The following ZNF679 variants were observed in gnomAD, a reference collection of about 807,000 sequenced individuals.
ZNF679 encodes the protein zinc finger protein 679, also known as hypothetical protein MGC42415.
ZNF679 carries 10 observed loss-of-function variants against 13.4 expected under a neutral mutation model. The observed-to-expected ratio is 0.75, with a 90% CI of 0.46 to 1.27. The LOEUF (loss-of-function observed/expected upper bound fraction) is 1.27, where lower values mean the gene tolerates loss of function less well. Ranked by LOEUF, ZNF679 falls within the 50% of genes most tolerant of loss-of-function variation. ZNF679 has a pLI of 0.00. For missense variants in ZNF679, 525 were observed against 477.8 expected (o/e 1.10, Z -0.92); for synonymous variants, 179 against 162.5 (o/e 1.10, Z -0.77).
intron 1 of ZNF679, among the ~76,000 whole-genome samples, chr7:64,230,981 A>C (rs560632847): frequency 6.6e-6 from 1 of 152,304 alleles, no homozygotes; most frequent in Admixed American, 6.5e-5. Context: ...AAGATTCAGA[A>C]GCTCAGCAGT....
In ZNF679 at chr7:64,266,005, A is replaced by G. The variant is rs1480050808; in HGVS notation, c.372A>G (p.Gln124=). 2 of 1,613,796 alleles carry G rather than the reference A, an allele frequency of 1.2e-6. No homozygotes were observed. Among genetic ancestry groups the G allele is most frequent in the Non-Finnish European group, 1.7e-6 (2 of 1,179,844 alleles). Residue 124 remains glutamine, a synonymous_variant, in exon 5 of 5, where the codon CAA becomes CAG. Transcript: ENST00000421025. ...GAAAAAGTGGACATGACAATTTACA[A>G]GTAAAAACATGTAAAAGCATGGGTG... The part of the protein sequence containing the change: ...RYGKSGHDNL[Q]VKTCKSMGEC...
intron 2 of ZNF679, among the ~76,000 whole-genome samples, chr7:64,252,231 G>C (rs1253917650): frequency 6.6e-6 from 1 of 152,120 alleles, no homozygotes; most frequent in Non-Finnish European, 1.5e-5. Flanking sequence ...TGAGTCAGAC[G>C]TGTCTGTGTT....
At chr7:64,239,191 G>A (rs1239616451) in intron 1 of ZNF679, among the ~76,000 whole-genome samples, 1 of 152,156 alleles carries the variant, frequency 6.6e-6, no homozygotes, top group African/African-American at 2.4e-5. Flanking sequence ...AGTTGTAATT[G>A]TGACTCTCAT....
chr7:64,261,474 G>A (rs1159282218), intron 4 of ZNF679, among the ~76,000 whole-genome samples: 1 of 151,830 alleles, frequency 6.6e-6, no homozygotes, highest in East Asian at 1.9e-4. Context: ...ACTTGCTGTG[G>A]GGGGATATAC....
At chr7:64,253,016 C>A (rs553981975) in intron 2 of ZNF679, among the ~76,000 whole-genome samples, 1 of 152,148 alleles carries the variant, frequency 6.6e-6, no homozygotes, top group Non-Finnish European at 1.5e-5. Context: ...CTGCTCCTGG[C>A]CCTGTTATCT....
intron 4 of ZNF679, 73 bp downstream of exon 4, chr7:64,261,002 A>G: frequency 3.4e-6 from 5 of 1,452,648 alleles, no homozygotes; most frequent in Non-Finnish European, 3.7e-6. Context: ...AGTCCTTAAA[A>G]TGTGATTTGG....
In ZNF679 at chr7:64,266,083, T is replaced by C; in HGVS notation, c.450T>C (p.Thr150=). The change falls in exon 5 of 5, where the codon ACT becomes ACC. Residue 150 remains threonine (T), a synonymous_variant. Coordinates refer to ENST00000421025, the MANE Select transcript of ZNF679 (RefSeq NM_153363.3). The part of the protein sequence containing the change: ...GCNEVNQCLS[T]TQNKIFQTHK... ...ATGAAGTTAACCAATGTTTGTCAAC[T>C]ACCCAAAACAAAATATTTCAGACTC... 1 of 1,613,200 alleles carries C rather than the reference T, an allele frequency of 6.2e-7. No homozygotes were observed. The highest frequency in any genetic ancestry group is 8.5e-7 in the Non-Finnish European group (1 of 1,179,542).
intron 1 of ZNF679, among the ~76,000 whole-genome samples, chr7:64,245,264 G>A (rs1352309134): frequency 1.3e-5 from 2 of 152,152 alleles, no homozygotes; most frequent in East Asian, 1.9e-4. Context: ...CCACTCAGGT[G>A]ATCCACCTGC....
chr7:64,253,853 C>T (rs1477265592), intron 2 of ZNF679, among the ~76,000 whole-genome samples: 1 of 152,092 alleles, frequency 6.6e-6, no homozygotes, highest in Non-Finnish European at 1.5e-5. Flanking sequence ...TTGGCTTAGA[C>T]TGAAAGTAGC....
chr7:64,266,328 G>A lies in ZNF679; in HGVS notation c.695G>A (p.Arg232Lys), dbSNP rs767569456. ...TCTTCAACCCTTTCTAAACATAAAA[G>A]AATTCATACTGGAGAGAAACCCTAC... ...NCSSTLSKHK[R>K]IHTGEKPYRC... The change falls in exon 5 of 5, where the codon AGA becomes AAA. Residue 232 changes from arginine to lysine, a missense_variant. Physicochemically the swap from Arg to Lys is conservative, Grantham distance 26. Coordinates refer to ENST00000421025, the MANE Select transcript of ZNF679 (RefSeq NM_153363.3). 6.2e-7 allele frequency: 1 copy of A among 1,612,952 alleles called. No homozygotes were observed. Among genetic ancestry groups the A allele is most frequent in the Non-Finnish European group, 8.5e-7 (1 of 1,179,526 alleles).
chr7:64,262,881 G>A (rs1273514414), intron 4 of ZNF679, among the ~76,000 whole-genome samples: 2 of 151,864 alleles, frequency 1.3e-5, no homozygotes, highest in Admixed American at 1.3e-4. Context: ...CACCACTGTG[G>A]GTTATATTGA....
intron 1 of ZNF679, among the ~76,000 whole-genome samples, chr7:64,245,764 C>T (rs1375901910): frequency 1.3e-5 from 2 of 152,102 alleles, no homozygotes; most frequent in Non-Finnish European, 2.9e-5. Context: ...TCCAGTACCT[C>T]GGGAGGCCGA....
intron 1 of ZNF679, among the ~76,000 whole-genome samples, chr7:64,248,645 C>T (rs553661151): frequency 3.9e-5 from 6 of 152,100 alleles, no homozygotes; most frequent in Non-Finnish European, 7.3e-5. Context: ...CTGCAAAGGA[C>T]CCGCAGCAAG....
intron 4 of ZNF679, among the ~76,000 whole-genome samples, chr7:64,261,813 C>CT (rs766243292): frequency 4.1e-5 from 6 of 147,736 alleles, no homozygotes; most frequent in Non-Finnish European, 7.5e-5. Flanking sequence ...ATTTGTATAT[C>CT]TTTTTTTATT....
chr7:64,255,865 T>A (rs1787998862), intron 2 of ZNF679, among the ~76,000 whole-genome samples: 1 of 152,158 alleles, frequency 6.6e-6, no homozygotes, highest in African/African-American at 2.4e-5. Context: ...TGCCTCAACC[T>A]CCCAAAGGGT....
chr7:64,260,197 TTTG>T (rs781759312), intron 2 of ZNF679, 21 bp from the exon 3 acceptor site: 57 of 1,583,734 alleles, frequency 3.6e-5, no homozygotes, highest in African/African-American at 3.1e-4. Flanking sequence ...TGAGTGTTTT[TTTG>T]TTGTTGTTAT....
chr7:64,247,153 C>T (rs1391110810), intron 1 of ZNF679, among the ~76,000 whole-genome samples: 4 of 152,170 alleles, frequency 2.6e-5, no homozygotes, highest in African/African-American at 9.7e-5. Context: ...ACTTTCATTC[C>T]CACCTTGGTT....
At chr7:64,264,270 A>G (rs898363013) in intron 4 of ZNF679, among the ~76,000 whole-genome samples, 2 of 151,918 alleles carry the variant, frequency 1.3e-5, no homozygotes, top group African/African-American at 4.8e-5. Flanking sequence ...AAATGACTTC[A>G]GTTGCATAGA....
chr7:64,260,750 T>C, intron 3 of ZNF679, 84 bp from the exon 4 acceptor site: 1 of 1,345,708 alleles, frequency 7.4e-7, no homozygotes, highest in East Asian at 2.4e-5. Context: ...TTTTCTATTA[T>C]ATCCTCTTTA....
Sources: allele counts gnomAD v4.1 joint callset (sites outside exome capture counted in the v4.1 genomes callset), GRCh38; gene constraint gnomAD v4.1.1; transcripts MANE v1.5; gene names NCBI Gene and HGNC (gene_info 2026-07-23, HGNC 2026-07-21).